The following CACNA1D variants were observed in gnomAD, a reference collection of about 807,000 sequenced individuals.
The protein encoded by CACNA1D is calcium voltage-gated channel subunit alpha1 D, also known as voltage-dependent L-type calcium channel subunit alpha-1D.
A neutral mutation model predicts 257.1 loss-of-function variants in CACNA1D; 55 were observed. The ratio of observed to expected loss-of-function variants is 0.21; its 90% CI spans 0.17 to 0.27. The LOEUF (loss-of-function observed/expected upper bound fraction) is 0.27. Among genes scored for constraint, CACNA1D ranks in the 10% least tolerant of loss-of-function variants. The pLI, the probability that CACNA1D is intolerant of heterozygous loss-of-function variation, is 1.00. For missense variants in CACNA1D, 1,876 were observed against 2,784.0 expected (o/e 0.67, Z 7.34); for synonymous variants, 980 against 1,014.9 (o/e 0.97, Z 0.65).
At chr3:53,670,763 G>C (rs1271344736) in intron 7 of CACNA1D, among the ~76,000 whole-genome samples, 2 of 152,188 alleles carry the variant, frequency 1.3e-5, no homozygotes, top group African/African-American at 2.4e-5. Context: ...CTAAATTGAA[G>C]TCCTTCAGTG....
chr3:53,606,233 AAG>A (rs1309039975), intron 3 of CACNA1D, among the ~76,000 whole-genome samples: 17 of 152,206 alleles, frequency 1.1e-4, no homozygotes, highest in African/African-American at 3.9e-4. Context: ...CTGAAAGAAA[AAG>A]AGAAATGCAG....
At chr3:53,527,937 C>G (rs1481232778) in intron 3 of CACNA1D, among the ~76,000 whole-genome samples, 2 of 152,112 alleles carry the variant, frequency 1.3e-5, no homozygotes, top group African/African-American at 2.4e-5. Flanking sequence ...TGGAATCATT[C>G]TGAAATATAC....
At chr3:53,582,440 T>G (rs1490103214) in intron 3 of CACNA1D, among the ~76,000 whole-genome samples, 2 of 152,014 alleles carry the variant, frequency 1.3e-5, no homozygotes, top group African/African-American at 4.8e-5. Context: ...GCAGGAGGCC[T>G]TTGTCATGGT....
At chr3:53,682,383 A>AC (rs1386875547) in intron 8 of CACNA1D, among the ~76,000 whole-genome samples, 1 of 146,990 alleles carries the variant, frequency 6.8e-6, no homozygotes, top group African/African-American at 2.5e-5. Context: ...AAAAAAAAAA[A>AC]AAAAAAAAAA....
chr3:53,667,130 C>T (rs1301647979), intron 7 of CACNA1D, among the ~76,000 whole-genome samples: 4 of 152,180 alleles, frequency 2.6e-5, no homozygotes, highest in South Asian at 2.1e-4. Flanking sequence ...TTTGAAGCTA[C>T]AGACCTCTGG....
intron 3 of CACNA1D, among the ~76,000 whole-genome samples, chr3:53,639,589 T>C (rs1357947363): frequency 6.6e-6 from 1 of 152,118 alleles, no homozygotes; most frequent in African/African-American, 2.4e-5. Context: ...GGTTTCACCA[T>C]GTTAGCTAGG....
chr3:53,598,379 C>T (rs1364924375), intron 3 of CACNA1D, among the ~76,000 whole-genome samples: 1 of 151,380 alleles, frequency 6.6e-6, no homozygotes, highest in Non-Finnish European at 1.5e-5. Flanking sequence ...AGCTTGAGAC[C>T]AGCCTAACCA....
intron 3 of CACNA1D, among the ~76,000 whole-genome samples, chr3:53,582,926 C>A (rs2093156372): frequency 6.6e-6 from 1 of 152,178 alleles, no homozygotes; most frequent in Non-Finnish European, 1.5e-5. Context: ...TTTCAAAGAT[C>A]TCTGTTACCC....
chr3:53,699,015 A>G lies in CACNA1D; in HGVS notation c.1221-3626A>G, dbSNP rs1432077930. ...TTAGTAATAGGATTCTTAGAATATG[A>G]TGAATTCTTATGCAAAGTGGAGTAA... On this transcript the variant is annotated intron_variant, in intron 8 of 47. Coordinates refer to ENST00000350061, the MANE Select transcript of CACNA1D (RefSeq NM_001128840.3). Among the ~76,000 whole-genome samples, 5 of 152,198 alleles carry G rather than the reference A, an allele frequency of 3.3e-5. 1 individual carries two copies. Among genetic ancestry groups the G allele is most frequent in the Non-Finnish European group, 7.4e-5 (5 of 68,026 alleles).
At position 53,494,877 on chromosome 3, in the gene CACNA1D, A is replaced by G. The variant is rs2090282378; in HGVS notation, c.-290A>G. 4 of 283,608 alleles carry G rather than the reference A, an allele frequency of 1.4e-5. No homozygotes were observed. The highest frequency in any genetic ancestry group is 1.4e-4 in the South Asian group (3 of 21,304). The allele number at this position is 283,608 out of a possible 1,614,324, so 17.6% of individuals were successfully genotyped here. A position where few individuals can be genotyped will look rare whatever the true frequency, so the allele number is the denominator to read the frequency against. On this transcript the variant is annotated 5_prime_UTR_variant, in exon 1 of 48. The change abolishes an upstream ATG in the 5' untranslated region. Coordinates refer to ENST00000350061, the MANE Select transcript of CACNA1D (RefSeq NM_001128840.3). Reference sequence around the variant, plus strand: ...GTTCTCCTTTGCAGCAAAAAATTACATGTATATATTATTAAGATAATATAT... The same window carrying G: ...GTTCTCCTTTGCAGCAAAAAATTACGTGTATATATTATTAAGATAATATAT...
intron 3 of CACNA1D, among the ~76,000 whole-genome samples, chr3:53,609,525 A>G (rs760006925): frequency 6.6e-6 from 1 of 152,054 alleles, no homozygotes; most frequent in Admixed American, 6.6e-5. Flanking sequence ...GGAATTTTCC[A>G]ATTTCATCTA....
chr3:53,713,848 G>A (rs1422409837), intron 9 of CACNA1D, among the ~76,000 whole-genome samples: 1 of 152,152 alleles, frequency 6.6e-6, no homozygotes, highest in Non-Finnish European at 1.5e-5. Flanking sequence ...GGGACATGCA[G>A]GGCTGCTGTC....
chr3:53,781,766 G>A, intron 39 of CACNA1D, 99 bp downstream of exon 39: 1 of 849,862 alleles, frequency 1.2e-6, no homozygotes. Context: ...AATGCTTTAT[G>A]TATCATTTAG....
intron 21 of CACNA1D, among the ~76,000 whole-genome samples, chr3:53,742,049 G>A (rs1559607511): frequency 6.6e-6 from 1 of 152,202 alleles, no homozygotes. Context: ...TCAGAAAATG[G>A]AGACTCACCA....
At chr3:53,796,833 G>C (rs2095509694) in intron 40 of CACNA1D, among the ~76,000 whole-genome samples, 1 of 152,142 alleles carries the variant, frequency 6.6e-6, no homozygotes, top group African/African-American at 2.4e-5. Flanking sequence ...TATTTTATAA[G>C]ATTGGACATC....
In CACNA1D at chr3:53,495,961, G is replaced by A. The variant is rs948179060; in HGVS notation, c.67+728G>A. Among the ~76,000 whole-genome samples the A allele has an allele frequency of 6.6e-6, 1 of 152,140 alleles. No homozygotes were observed. The highest frequency in any genetic ancestry group is 2.4e-5 in the African/African-American group (1 of 41,462). On this transcript the variant is annotated intron_variant, in intron 1 of 47. Transcript: ENST00000350061. This position sits in a 1 kb window ranked among gnomAD's most constrained non-coding sequence, Gnocchi z 5.1. ...AGCTCCTGGCCAGCCCTCCCCTTTG[G>A]AGACCGCCAGTGCCCCCCAACCCCT... is the stretch of plus-strand genomic sequence containing the variant.
chr3:53,752,299 G>A (rs1012905853), intron 28 of CACNA1D, among the ~76,000 whole-genome samples: 4 of 152,162 alleles, frequency 2.6e-5, no homozygotes, highest in African/African-American at 4.8e-5. Flanking sequence ...TAAATTCCCC[G>A]AGGCTTGATT....
chr3:53,700,670 G>A lies in CACNA1D; in HGVS notation c.1221-1971G>A, dbSNP rs113404674. Among the ~76,000 whole-genome samples the A allele has an allele frequency of 1.2e-4, 18 of 152,210 alleles. 1 individual carries two copies. Among genetic ancestry groups the A allele is most frequent in the African/African-American group, 3.6e-4 (15 of 41,524 alleles). On this transcript the variant is annotated intron_variant, in intron 8 of 47. Coordinates refer to ENST00000350061, the MANE Select transcript of CACNA1D (RefSeq NM_001128840.3). ...TCTTTGGGCTGGGAGGTCAGAGCAC[G>A]TGTCTGGGCTCAGATCGGCTCCTGC...
At chr3:53,573,712 C>T (rs531110447) in intron 3 of CACNA1D, among the ~76,000 whole-genome samples, 5 of 152,276 alleles carry the variant, frequency 3.3e-5, no homozygotes, top group Middle Eastern at 3.4e-3. Flanking sequence ...TCCAGTATCT[C>T]GAATAGCTCT....
Sources: gnomAD v4.1 joint callset for allele counts (sites outside exome capture counted in the v4.1 genomes callset) on GRCh38, gnomAD v4.1.1 for gene constraint, Gnocchi (gnomAD v3.1) non-coding constraint, MANE v1.5 for transcripts, NCBI Gene and HGNC (gene_info 2026-07-23, HGNC 2026-07-21) for gene names.